USP45: variants seen among roughly 807,000 people sequenced by gnomAD.
USP45 encodes the protein ubiquitin specific peptidase 45, also known as ubiquitin carboxyl-terminal hydrolase 45.
Under a neutral mutation model 95.8 loss-of-function variants are expected in USP45, and 89 were observed. The observed-to-expected ratio is 0.93, with a 90% CI of 0.78 to 1.11. The LOEUF (loss-of-function observed/expected upper bound fraction) is 1.11, where lower values mean the gene tolerates loss of function less well. Among genes scored for constraint, USP45 ranks in the 50% least tolerant of loss-of-function variants. The pLI is 0.00. For missense variants in USP45, 898 were observed against 942.5 expected (o/e 0.95, Z 0.62); for synonymous variants, 281 against 316.2 (o/e 0.89, Z 1.18).
At chr6:99,498,765 T>C (rs555038589) in intron 5 of USP45, among the ~76,000 whole-genome samples, 1 of 152,350 alleles carries the variant, frequency 6.6e-6, no homozygotes, top group East Asian at 1.9e-4. Flanking sequence ...AGAGGCCATA[T>C]GGCATGTGAT....
chr6:99,467,136 G>A (rs188629613), intron 10 of USP45, among the ~76,000 whole-genome samples: 14 of 152,166 alleles, frequency 9.2e-5, no homozygotes, highest in Admixed American at 9.2e-4. Flanking sequence ...CCAGGATCAC[G>A]GCTATGAAAA....
At chr6:99,441,542 A>C (rs1781530191) in intron 15 of USP45, among the ~76,000 whole-genome samples, 1 of 152,130 alleles carries the variant, frequency 6.6e-6, no homozygotes, top group South Asian at 2.1e-4. Context: ...CCAAAAAAAA[A>C]AAAAATTACT....
At chr6:99,503,074 A>C (rs766480644) in intron 5 of USP45, among the ~76,000 whole-genome samples, 1 of 152,200 alleles carries the variant, frequency 6.6e-6, no homozygotes, top group Non-Finnish European at 1.5e-5. Context: ...TACATGCACT[A>C]TTGCTAAATC....
chr6:99,453,544 C>A (rs898376215), intron 13 of USP45, among the ~76,000 whole-genome samples: 1 of 152,192 alleles, frequency 6.6e-6, no homozygotes, highest in Non-Finnish European at 1.5e-5. Context: ...GCATCCCATG[C>A]TCATGGATCA....
chr6:99,443,735 A>T, intron 14 of USP45, 73 bp from the exon 15 acceptor site: 1 of 995,730 alleles, frequency 1.0e-6, no homozygotes. Context: ...AAAAATTTAT[A>T]CAGAAGTATC....
chr6:99,504,970 G>C (rs1798189930), intron 4 of USP45, among the ~76,000 whole-genome samples: 1 of 151,270 alleles, frequency 6.6e-6, no homozygotes, highest in African/African-American at 2.4e-5. Context: ...TTTAAAGCTG[G>C]AAAAACAACA....
chr6:99,510,318 T>C (rs1799505012), intron 1 of USP45, 88 bp from the exon 2 acceptor site: 2 of 826,804 alleles, frequency 2.4e-6, no homozygotes, highest in East Asian at 2.7e-5. Context: ...AAAACTGAAA[T>C]GACTTCAATT....
At chr6:99,475,688 T>C (rs556798477) in intron 9 of USP45, among the ~76,000 whole-genome samples, 8 of 152,160 alleles carry the variant, frequency 5.3e-5, no homozygotes, top group South Asian at 2.1e-4. Flanking sequence ...AAAAGGACAA[T>C]AGGGCTGTAA....
intron 13 of USP45, among the ~76,000 whole-genome samples, chr6:99,455,968 A>G (rs566641170): frequency 6.6e-6 from 1 of 151,586 alleles, no homozygotes; most frequent in Admixed American, 6.6e-5. Flanking sequence ...CCCTGTCTCT[A>G]CTGAAAATAC....
intron 5 of USP45, among the ~76,000 whole-genome samples, chr6:99,489,037 C>G (rs1049430021): frequency 2.0e-5 from 3 of 152,120 alleles, no homozygotes; most frequent in African/African-American, 7.2e-5. Flanking sequence ...GCACCTCACA[C>G]TATATTACAG....
At chr6:99,514,443 AAGC>A (rs1295525574) in intron 1 of USP45, among the ~76,000 whole-genome samples, 1 of 152,204 alleles carries the variant, frequency 6.6e-6, no homozygotes, top group Non-Finnish European at 1.5e-5. Flanking sequence ...CCAACATTGC[AAGC>A]AGTCCTTTCT....
rs370932079 is a variant in USP45 at position 99,496,527 on chromosome 6, C to G, written c.478+7238G>C. 1.3e-4 allele frequency among the ~76,000 whole-genome samples: 20 copies of G among 152,086 alleles called. No homozygotes were observed. The East Asian group carries it at 3.3e-3, about 25-fold the overall frequency. ...TATAGTATTTTGTCTTCTCTTTAAC[C>G]TTGTTAAAAATGGCATCCCATCAAT... On this transcript the variant is annotated intron_variant, in intron 5 of 17. Coordinates refer to ENST00000500704, the MANE Select transcript of USP45 (RefSeq NM_001346022.3).
At chr6:99,516,170 T>C (rs2128847366), upstream of USP45, among the ~76,000 whole-genome samples, 1 of 152,308 alleles carries the variant, frequency 6.6e-6, no homozygotes, top group East Asian at 1.9e-4. Context: ...GCTGTTGTCT[T>C]ACCTATCCTT....
intron 5 of USP45, among the ~76,000 whole-genome samples, chr6:99,491,246 G>A (rs1200948724): frequency 6.6e-6 from 1 of 152,184 alleles, no homozygotes; most frequent in Non-Finnish European, 1.5e-5. Flanking sequence ...AGAAAAGGGG[G>A]AAGAGGCCAG....
intron 1 of USP45, among the ~76,000 whole-genome samples, chr6:99,514,226 C>A (rs72926250): frequency 0.012 from 1,877 of 152,322 alleles, 19 homozygotes; most frequent in Non-Finnish European, 0.019. Context: ...GGAGGAATCA[C>A]GTGTAGGCTC....
chr6:99,512,707 C>T (rs1259855331), intron 1 of USP45, among the ~76,000 whole-genome samples: 1 of 152,164 alleles, frequency 6.6e-6, no homozygotes, highest in East Asian at 1.9e-4. Flanking sequence ...TTAAGTCCAA[C>T]GGTCATCACT....
At chr6:99,456,767 T>C (rs1398741064) in intron 13 of USP45, among the ~76,000 whole-genome samples, 1 of 152,186 alleles carries the variant, frequency 6.6e-6, no homozygotes, top group African/African-American at 2.4e-5. Context: ...ATATGAAATC[T>C]GGGCACCTTG....
At chr6:99,466,095 CA>C (rs1410622917) in intron 11 of USP45, among the ~76,000 whole-genome samples, 3 of 152,018 alleles carry the variant, frequency 2.0e-5, no homozygotes, top group Non-Finnish European at 4.4e-5. Context: ...CGGCTCACTG[CA>C]ACCCTGCCTG....
chr6:99,489,161 G>A (rs1794636788), intron 5 of USP45, among the ~76,000 whole-genome samples: 4 of 152,160 alleles, frequency 2.6e-5, no homozygotes, highest in Admixed American at 2.6e-4. Context: ...ACGTCTAGGG[G>A]AAAAGGCTGA....
Sources: gnomAD v4.1 joint callset for allele counts (sites outside exome capture counted in the v4.1 genomes callset) on GRCh38, gnomAD v4.1.1 for gene constraint, MANE v1.5 for transcripts, NCBI Gene and HGNC (gene_info 2026-07-23, HGNC 2026-07-21) for gene names.